Variants in FAT3 observed in about 807,000 individuals in gnomAD.
FAT3 encodes the protein FAT atypical cadherin 3.
Under a neutral mutation model 310.2 loss-of-function variants are expected in FAT3, and 95 were observed. The observed-to-expected ratio is 0.31, with a 90% CI of 0.26 to 0.36. The LOEUF is 0.36. Ranked by LOEUF, FAT3 falls within the 10% of genes least tolerant of loss-of-function variation. FAT3 has a pLI of 1.00. For missense variants in FAT3, 5,408 were observed against 5,715.6 expected (o/e 0.95, Z 1.74); for synonymous variants, 2,314 against 2,192.9 (o/e 1.06, Z -1.54).
chr11:92,785,673 ATGTTC>A (rs1946872114), intron 7 of FAT3, among the ~76,000 whole-genome samples: 1 of 152,178 alleles, frequency 6.6e-6, no homozygotes, highest in Non-Finnish European at 1.5e-5. Context: ...GGAAAACTAA[ATGTTC>A]CCAGAAAAGT....
At position 92,671,848 on chromosome 11, in the gene FAT3, G is replaced by A. The variant is rs187943170; in HGVS notation, c.3608-25536G>A. Among the ~76,000 whole-genome samples the A allele has an allele frequency of 4.0e-3, 616 of 152,338 alleles. 3 individuals carry two copies. Among genetic ancestry groups the A allele is most frequent in the African/African-American group, 0.014 (585 of 41,574 alleles). ...TGGCTGGGTGCAGTGGCTTACGCCT[G>A]TAATCCCAGCACTTTGGGAGGCCAA... On this transcript the variant is annotated intron_variant, in intron 3 of 27. Coordinates refer to ENST00000525166, the MANE Select transcript of FAT3 (RefSeq NM_001367949.2).
Position 92,801,858 on chromosome 11 carries a change from T to G in FAT3, c.8845T>G (p.Trp2949Gly). The change falls in exon 10 of 28, where the codon TGG becomes GGG. Residue 2949 changes from tryptophan (W) to glycine (G), a missense_variant. Physicochemically the swap from Trp to Gly is radical, Grantham distance 184. Around this residue, in one of 5 missense-constraint regions of FAT3, gnomAD observed 4,588 missense variants for 4,809.8 expected, o/e 0.95. Transcript: ENST00000525166. ...PGEVVAVLSTWDRDTSDVNRQ... is the reference protein window; with the variant it reads ...PGEVVAVLSTGDRDTSDVNRQ... ...CGAGGTGGTAGCCGTCCTCAGCACCTGGGACAGAGACACATCCGACGTTAA... is the reference window on the plus strand; with the variant it reads ...CGAGGTGGTAGCCGTCCTCAGCACCGGGGACAGAGACACATCCGACGTTAA... The G allele has an allele frequency of 6.2e-7, 1 of 1,613,926 alleles. No individual in the cohort carries two copies. Among genetic ancestry groups the G allele is most frequent in the Non-Finnish European group, 8.5e-7 (1 of 1,179,840 alleles).
intron 1 of FAT3, among the ~76,000 whole-genome samples, chr11:92,255,725 T>C (rs972207689): frequency 6.6e-6 from 1 of 152,164 alleles, no homozygotes; most frequent in African/African-American, 2.4e-5. Flanking sequence ...ACACCTGCCC[T>C]ATAGAATTTT....
At chr11:92,731,777 C>G (rs1945189376) in intron 4 of FAT3, among the ~76,000 whole-genome samples, 1 of 151,492 alleles carries the variant, frequency 6.6e-6, no homozygotes. Context: ...TGTATCCTCT[C>G]TTTATATCTC....
At chr11:92,465,125 A>G (rs1951728875) in intron 2 of FAT3, among the ~76,000 whole-genome samples, 1 of 152,288 alleles carries the variant, frequency 6.6e-6, no homozygotes, top group South Asian at 2.1e-4. Flanking sequence ...GCCGGGGTAC[A>G]ATAATGGCAA....
chr11:92,341,056 A>G (rs1233840536), intron 1 of FAT3, among the ~76,000 whole-genome samples: 3 of 152,182 alleles, frequency 2.0e-5, no homozygotes, highest in African/African-American at 7.2e-5. Flanking sequence ...GCGATGTCAC[A>G]TCTGGTCTAT....
chr11:92,790,297 G>A (rs1947007325), intron 8 of FAT3, 79 bp downstream of exon 8: 1 of 1,426,074 alleles, frequency 7.0e-7, no homozygotes, highest in Non-Finnish European at 9.5e-7. Flanking sequence ...CAGAAGTATA[G>A]GGCCCCTAAA....
At chr11:92,534,235 A>G (rs532430639) in intron 3 of FAT3, among the ~76,000 whole-genome samples, 2 of 152,190 alleles carry the variant, frequency 1.3e-5, no homozygotes, top group African/African-American at 2.4e-5. Context: ...AGCCATGCCA[A>G]CATGTTCATG....
chr11:92,417,586 G>A (rs1950442557), intron 2 of FAT3, among the ~76,000 whole-genome samples: 1 of 152,134 alleles, frequency 6.6e-6, no homozygotes, highest in Non-Finnish European at 1.5e-5. Context: ...ATCTTCAGAG[G>A]GGAAGTGATA....
At chr11:92,451,083 G>A (rs1348090269) in intron 2 of FAT3, among the ~76,000 whole-genome samples, 1 of 152,074 alleles carries the variant, frequency 6.6e-6, no homozygotes, top group Non-Finnish European at 1.5e-5. Flanking sequence ...CAATAGATGA[G>A]CAGAAAGGTT....
At chr11:92,462,594 A>G (rs1951663965) in intron 2 of FAT3, among the ~76,000 whole-genome samples, 1 of 152,054 alleles carries the variant, frequency 6.6e-6, no homozygotes, top group South Asian at 2.1e-4. Flanking sequence ...AAGACCACCT[A>G]GAGAACTTCT....
chr11:92,852,704 G>A (rs924067418), intron 19 of FAT3, among the ~76,000 whole-genome samples: 6 of 152,084 alleles, frequency 3.9e-5, no homozygotes, highest in Admixed American at 2.6e-4. Flanking sequence ...ATCTTAGAAT[G>A]TACTTATAAT....
chr11:92,474,953 G>A (rs1456573346), intron 2 of FAT3, among the ~76,000 whole-genome samples: 3 of 152,152 alleles, frequency 2.0e-5, no homozygotes, highest in Admixed American at 2.0e-4. Context: ...AGCAATAATG[G>A]CTTTCTGATG....
chr11:92,567,788 A>T (rs895501298), intron 3 of FAT3, among the ~76,000 whole-genome samples: 2 of 152,092 alleles, frequency 1.3e-5, no homozygotes, highest in Admixed American at 6.5e-5. Flanking sequence ...TCGCAAGAGC[A>T]AAAAACCAAG....
intron 22 of FAT3, among the ~76,000 whole-genome samples, chr11:92,878,203 G>C (rs1005592772): frequency 6.6e-6 from 1 of 152,084 alleles, no homozygotes; most frequent in Admixed American, 6.5e-5. Context: ...GGAAATTTGG[G>C]TAAAATTTAT....
At chr11:92,506,924 A>G (rs74604680) in intron 2 of FAT3, among the ~76,000 whole-genome samples, 2,496 of 152,208 alleles carry the variant, frequency 0.016, 73 homozygotes, top group African/African-American at 0.056. Context: ...GGCTAATATT[A>G]AAAACAGCCT....
rs892067717 is a variant in FAT3 at position 92,836,471 on chromosome 11, C to T, written c.10087-95C>T. On this transcript the variant is annotated intron_variant, in intron 15 of 27. Transcript: ENST00000525166. ...AGCAGAGCTCCCGAGAAAACTGTCA[C>T]AGCTGCACCCATTTAAACAGACCTG... 35 of 1,433,612 alleles carry T rather than the reference C, an allele frequency of 2.4e-5. No individual in the cohort carries two copies. In the African/African-American group the frequency reaches 4.3e-4, roughly 18 times the overall value. 88.8% of individuals were successfully genotyped at this position (1,433,612 alleles called of 1,614,324 possible).
intron 4 of FAT3, among the ~76,000 whole-genome samples, chr11:92,699,041 G>A (rs887472623): frequency 2.0e-5 from 3 of 152,176 alleles, no homozygotes; most frequent in African/African-American, 7.2e-5. Flanking sequence ...TATTTTCCAA[G>A]CATTTGAATT....
Position 92,800,326 on chromosome 11 carries a change from A to C in FAT3, c.7313A>C (p.Asp2438Ala). ...GAATATAGCATTTTATCTGGGAATG[A>C]CCGGACGAGCTTTCTGATGGACAGC... ...RLEYSILSGN[D>A]RTSFLMDSKS... Residue 2438 changes from aspartate to alanine, a missense_variant, in exon 10 of 28, where the codon GAC becomes GCC. By Grantham distance (126) the Asp-to-Ala change is moderately radical. Around this residue, in one of 5 missense-constraint regions of FAT3, gnomAD observed 4,588 missense variants for 4,809.8 expected, o/e 0.95. Transcript: ENST00000525166. 1 of 1,613,976 alleles carries C rather than the reference A, an allele frequency of 6.2e-7. No individual in the cohort carries two copies. The highest frequency in any genetic ancestry group is 8.5e-7 in the Non-Finnish European group (1 of 1,179,860).
Sources: gnomAD v4.1 joint callset for allele counts (sites outside exome capture counted in the v4.1 genomes callset) on GRCh38, gnomAD v4.1.1 for gene constraint, gnomAD v4.1.1 regional missense constraint, MANE v1.5 for transcripts, NCBI Gene and HGNC (gene_info 2026-07-23, HGNC 2026-07-21) for gene names.